The following CEP128 variants were observed in gnomAD, a reference collection of about 807,000 sequenced individuals.
CEP128 encodes the protein centrosomal protein 128kDa.
CEP128 carries 132 observed loss-of-function variants against 156.7 expected under a neutral mutation model. The ratio of observed to expected loss-of-function variants is 0.84; its 90% CI spans 0.73 to 0.97. The LOEUF is 0.97. CEP128 is among the 50% of genes least tolerant of loss of function. The pLI is 0.00. For synonymous variants in CEP128, 469 were observed against 448.9 expected (o/e 1.04, Z -0.57); for missense variants, 1,252 against 1,281.9 (o/e 0.98, Z 0.36).
intron 19 of CEP128, among the ~76,000 whole-genome samples, chr14:80,651,157 G>A (rs1894886051): frequency 6.6e-6 from 1 of 152,100 alleles, no homozygotes; most frequent in Non-Finnish European, 1.5e-5. Flanking sequence ...GGGTGTATAT[G>A]TCCAGGAACT....
Position 80,680,912 on chromosome 14 carries a change from G to A in CEP128, c.2806+62163C>T, listed in dbSNP as rs1179897685. The stretch of plus-strand genomic sequence containing the variant: ...CAACAACCCCCACCAGTGCTGAGCA[G>A]AGAGCTCAGACCACTGTGCACCCCA... On this transcript the variant is annotated intron_variant, in intron 19 of 24. Transcript: ENST00000555265. 2.0e-5 allele frequency among the ~76,000 whole-genome samples: 3 copies of A among 152,256 alleles called. No individual in the cohort carries two copies. The East Asian group carries it at 5.8e-4, about 29-fold the overall frequency.
At chr14:80,606,452 T>C (rs951979689) in intron 19 of CEP128, among the ~76,000 whole-genome samples, 16 of 152,112 alleles carry the variant, frequency 1.1e-4, no homozygotes, top group Non-Finnish European at 2.2e-4. Context: ...AGCACATTGA[T>C]TGAATCAATT....
intron 9 of CEP128, among the ~76,000 whole-genome samples, chr14:80,855,441 C>A (rs1191973269): frequency 2.6e-5 from 4 of 151,906 alleles, no homozygotes; most frequent in Non-Finnish European, 5.9e-5. Flanking sequence ...CTGGGATGAT[C>A]AATACGAGAG....
At chr14:80,553,203 G>A (rs1314944488) in intron 21 of CEP128, among the ~76,000 whole-genome samples, 1 of 151,802 alleles carries the variant, frequency 6.6e-6, no homozygotes, top group Non-Finnish European at 1.5e-5. Flanking sequence ...TAGGTTTTAA[G>A]CCCCACATGC....
At chr14:80,669,017 C>G (rs1283660830) in intron 19 of CEP128, among the ~76,000 whole-genome samples, 1 of 152,166 alleles carries the variant, frequency 6.6e-6, no homozygotes, top group Non-Finnish European at 1.5e-5. Context: ...AACCTCTTTT[C>G]TTTATAAATT....
chr14:80,861,700 T>C (rs1385494819), intron 9 of CEP128, among the ~76,000 whole-genome samples: 2 of 152,156 alleles, frequency 1.3e-5, no homozygotes, highest in Non-Finnish European at 2.9e-5. Context: ...CTATATTTTA[T>C]CCTGGATCAG....
chr14:80,603,406 G>A (rs893694083), intron 19 of CEP128, among the ~76,000 whole-genome samples: 1 of 152,152 alleles, frequency 6.6e-6, no homozygotes, highest in Non-Finnish European at 1.5e-5. Context: ...GATAAAAAAT[G>A]TTCTGGAATT....
intron 19 of CEP128, among the ~76,000 whole-genome samples, chr14:80,637,891 A>C (rs1166808711): frequency 2.6e-5 from 4 of 152,204 alleles, no homozygotes; most frequent in Non-Finnish European, 5.9e-5. Flanking sequence ...CCACAAGTCA[A>C]GAAATGCCAG....
chr14:80,766,283 CACTT>C (rs2139709519), intron 16 of CEP128, among the ~76,000 whole-genome samples: 1 of 152,254 alleles, frequency 6.6e-6, no homozygotes, highest in South Asian at 2.1e-4. Context: ...ATATTGTTGA[CACTT>C]AAGTATAAAG....
chr14:80,806,597 A>G (rs56959747), intron 13 of CEP128, among the ~76,000 whole-genome samples: 2,107 of 152,272 alleles, frequency 0.014, 51 homozygotes, highest in African/African-American at 0.048. Flanking sequence ...GGGAGAAGAA[A>G]ATTTTAATAA....
In CEP128 at chr14:80,694,134, G is replaced by A. The variant is rs575961746; in HGVS notation, c.2806+48941C>T. The stretch of plus-strand genomic sequence containing the variant: ...ACACTTCTCAAAACAAGACATTTAT[G>A]TGGCCAACAAACATATGAAAAAAAG... On this transcript the variant is annotated intron_variant, in intron 19 of 24. Coordinates refer to ENST00000555265, the MANE Select transcript of CEP128 (RefSeq NM_152446.5). Among the ~76,000 whole-genome samples the A allele has an allele frequency of 2.0e-5, 3 of 152,302 alleles. No homozygotes were observed. The South Asian group carries it at 6.2e-4, about 32-fold the overall frequency.
intron 19 of CEP128, among the ~76,000 whole-genome samples, chr14:80,730,777 T>A (rs1017616589): frequency 6.6e-6 from 1 of 152,220 alleles, no homozygotes; most frequent in African/African-American, 2.4e-5. Flanking sequence ...GGTTAGAAAG[T>A]AGTTATCACT....
At chr14:80,738,718 G>A (rs1898660061) in intron 19 of CEP128, among the ~76,000 whole-genome samples, 1 of 151,926 alleles carries the variant, frequency 6.6e-6, no homozygotes, top group South Asian at 2.1e-4. Flanking sequence ...TATTATTAAT[G>A]TTTTATTGTT....
At chr14:80,809,337 G>A (rs1884369797) in intron 13 of CEP128, among the ~76,000 whole-genome samples, 1 of 151,606 alleles carries the variant, frequency 6.6e-6, no homozygotes, top group African/African-American at 2.4e-5. Flanking sequence ...TAAAAAAAAA[G>A]AAGAAACAGA....
chr14:80,888,293 A>C lies in CEP128; in HGVS notation c.645+7425T>G, dbSNP rs1193027532. Among the ~76,000 whole-genome samples, 4 of 152,216 alleles carry C rather than the reference A, an allele frequency of 2.6e-5. No individual in the cohort carries two copies. The East Asian group carries it at 5.8e-4, about 22-fold the overall frequency. Reference sequence around the variant, plus strand: ...TAACTCATTTTATGAGGCCAGCATCATCCTGATACCAAAACCTGGCAGAAA... The same window carrying C: ...TAACTCATTTTATGAGGCCAGCATCCTCCTGATACCAAAACCTGGCAGAAA... On this transcript the variant is annotated intron_variant, in intron 8 of 24. Transcript: ENST00000555265.
upstream of CEP128, among the ~76,000 whole-genome samples, chr14:80,946,188 G>A (rs1396447976): frequency 6.6e-6 from 1 of 152,148 alleles, no homozygotes; most frequent in Non-Finnish European, 1.5e-5. Context: ...ATTATTGAAT[G>A]TAAGCTGACA....
At chr14:80,856,665 G>A (rs1364470577) in intron 9 of CEP128, among the ~76,000 whole-genome samples, 24 of 137,392 alleles carry the variant, frequency 1.7e-4, no homozygotes, top group Admixed American at 1.5e-3. Flanking sequence ...GTGTGCCTGC[G>A]TGTGTGTGTG....
intron 18 of CEP128, among the ~76,000 whole-genome samples, chr14:80,748,097 C>T (rs1476104024): frequency 1.3e-5 from 2 of 152,158 alleles, no homozygotes; most frequent in Non-Finnish European, 2.9e-5. Flanking sequence ...TAAAATTACA[C>T]CTCTATGAAT....
chr14:80,798,612 A>T (rs1883638369), intron 13 of CEP128, among the ~76,000 whole-genome samples: 1 of 152,236 alleles, frequency 6.6e-6, no homozygotes, highest in Non-Finnish European at 1.5e-5. Context: ...GTCTAGACAC[A>T]GTGAATTCTC....
Sources: gnomAD v4.1 joint callset for allele counts (sites outside exome capture counted in the v4.1 genomes callset) on GRCh38, gnomAD v4.1.1 for gene constraint, MANE v1.5 for transcripts, NCBI Gene and HGNC (gene_info 2026-07-23, HGNC 2026-07-21) for gene names.